Variants in SMAD3 observed in about 807,000 individuals in gnomAD.
SMAD3 encodes the protein MAD homolog 3.
In SMAD3, 12 loss-of-function variants were observed where a neutral mutation model predicts 51.8. That is an observed-to-expected ratio of 0.23 (90% confidence interval 0.15 to 0.38). The LOEUF (loss-of-function observed/expected upper bound fraction) is 0.38. SMAD3 is among the 10% of genes least tolerant of loss of function. SMAD3 has a pLI of 1.00. For missense variants in SMAD3, 294 were observed against 565.6 expected (o/e 0.52, Z 4.87); for synonymous variants, 238 against 227.7 (o/e 1.05, Z -0.41).
intron 1 of SMAD3, among the ~76,000 whole-genome samples, chr15:67,069,580 C>CT (rs1960006296): frequency 6.6e-6 from 1 of 152,134 alleles, no homozygotes; most frequent in African/African-American, 2.4e-5. Flanking sequence ...CTAGACCAAG[C>CT]TTAAAGCATT....
intron 1 of SMAD3, among the ~76,000 whole-genome samples, chr15:67,067,315 G>A (rs1405632944): frequency 6.6e-6 from 1 of 152,122 alleles, no homozygotes; most frequent in African/African-American, 2.4e-5. Flanking sequence ...CTGATAGAAG[G>A]GGTCAGTGAC....
In SMAD3 at chr15:67,066,188, G is replaced by T. The variant is rs1390289135; in HGVS notation, c.34G>T (p.Val12Leu). 1.2e-6 allele frequency: 2 copies of T among 1,610,472 alleles called. No homozygotes were observed. Among genetic ancestry groups the T allele is most frequent in the Admixed American group, 1.7e-5 (1 of 59,722 alleles). Residue 12 changes from valine to leucine, a missense_variant, in exon 1 of 9, where the codon GTG becomes TTG. Around this residue, in one of 3 missense-constraint regions of SMAD3, gnomAD observed 147 missense variants for 260.9 expected, o/e 0.56. Coordinates refer to ENST00000327367, the MANE Select transcript of SMAD3 (RefSeq NM_005902.4). The stretch of plus-strand genomic sequence containing the variant: ...CATCCTGCCTTTCACTCCCCCGATC[G>T]TGAAGCGCCTGCTGGGCTGGAAGAA... ...SSILPFTPPI[V>L]KRLLGWKKGE...
intron 1 of SMAD3, among the ~76,000 whole-genome samples, chr15:67,077,043 T>C (rs1219631629): frequency 2.0e-5 from 3 of 152,160 alleles, no homozygotes; most frequent in Admixed American, 1.3e-4. Context: ...CCACATTCCA[T>C]TGTGAAACCA....
At chr15:67,090,876 C>T (rs761638300) in intron 1 of SMAD3, among the ~76,000 whole-genome samples, 18 of 152,326 alleles carry the variant, frequency 1.2e-4, no homozygotes, top group Admixed American at 2.0e-4. Flanking sequence ...AAACAGACCA[C>T]CAAACTGTGT....
chr15:67,075,569 GC>G (rs1263700196), intron 1 of SMAD3, among the ~76,000 whole-genome samples: 1 of 152,140 alleles, frequency 6.6e-6, no homozygotes, highest in African/African-American at 2.4e-5. Flanking sequence ...AACTTATTGA[GC>G]CCCAGTTTCT....
intron 1 of SMAD3, among the ~76,000 whole-genome samples, chr15:67,073,660 C>G (rs868387975): frequency 1.5e-5 from 2 of 134,436 alleles, no homozygotes; most frequent in South Asian, 3.0e-4. Flanking sequence ...GGTATTCATA[C>G]AAGCATTTTA....
chr15:67,079,498 A>G (rs1482611652), intron 1 of SMAD3, among the ~76,000 whole-genome samples: 1 of 152,140 alleles, frequency 6.6e-6, no homozygotes, highest in Non-Finnish European at 1.5e-5. Context: ...ACTCTTGGCC[A>G]TGTCCAAGCA....
chr15:67,131,700 C>T (rs1961530019), intron 1 of SMAD3, among the ~76,000 whole-genome samples: 2 of 152,162 alleles, frequency 1.3e-5, no homozygotes, highest in Admixed American at 1.3e-4. Context: ...TACCTCACTG[C>T]CTCTCTGTGA....
intron 1 of SMAD3, among the ~76,000 whole-genome samples, chr15:67,069,913 T>C (rs953842888): frequency 6.6e-5 from 10 of 151,750 alleles, no homozygotes; most frequent in African/African-American, 2.4e-4. Context: ...ACCATGTTGG[T>C]CAGGCTGGTG....
intron 1 of SMAD3, among the ~76,000 whole-genome samples, chr15:67,139,290 C>T (rs1186809832): frequency 6.6e-6 from 1 of 152,088 alleles, no homozygotes; most frequent in African/African-American, 2.4e-5. Context: ...CGTGATATCT[C>T]GTTGCGTCAG....
At chr15:67,136,814 C>A (rs904578022) in intron 1 of SMAD3, among the ~76,000 whole-genome samples, 1 of 152,206 alleles carries the variant, frequency 6.6e-6, no homozygotes, top group Non-Finnish European at 1.5e-5. Context: ...TTCTCCCCAT[C>A]CCCCCAAGGG....
rs1595881947 is a variant in SMAD3, at chr15:67,066,016, C to G, written c.-139C>G. 1.1e-4 allele frequency: 37 copies of G among 351,958 alleles called. No individual in the cohort carries two copies. The East Asian group carries it at 1.9e-3, about 18-fold the overall frequency. 21.8% of individuals were successfully genotyped at this position (351,958 alleles called of 1,614,324 possible). On this transcript the variant is annotated 5_prime_UTR_variant, in exon 1 of 9. Transcript: ENST00000327367. Reference sequence around the variant, plus strand: ...AGCGCCGCGGCCCGGCCCGGCGCCCCGGCAACTTCGCCGAGAGTTGAGGCG... The same window carrying G: ...AGCGCCGCGGCCCGGCCCGGCGCCCGGGCAACTTCGCCGAGAGTTGAGGCG...
intron 1 of SMAD3, among the ~76,000 whole-genome samples, chr15:67,106,862 G>A (rs1259136587): frequency 2.6e-5 from 4 of 152,126 alleles, no homozygotes; most frequent in East Asian, 1.9e-4. Context: ...TAATTCACAC[G>A]AAGGTGTTAA....
At chr15:67,103,436 G>A (rs1278626337) in intron 1 of SMAD3, among the ~76,000 whole-genome samples, 1 of 152,194 alleles carries the variant, frequency 6.6e-6, no homozygotes, top group African/African-American at 2.4e-5. Context: ...AGCAGAACAC[G>A]ATGCAAACAT....
At chr15:67,179,948 C>CA (rs1038806380) in intron 5 of SMAD3, among the ~76,000 whole-genome samples, 4 of 152,146 alleles carry the variant, frequency 2.6e-5, no homozygotes, top group African/African-American at 7.2e-5. Flanking sequence ...TCAGGATGCT[C>CA]ACAGAGAGGC....
At chr15:67,099,327 GTGT>G (rs1285831708) in intron 1 of SMAD3, among the ~76,000 whole-genome samples, 1 of 152,204 alleles carries the variant, frequency 6.6e-6, no homozygotes, top group Non-Finnish European at 1.5e-5. Context: ...TAGAGAAGGT[GTGT>G]TGTTGAAATG....
intron 1 of SMAD3, among the ~76,000 whole-genome samples, chr15:67,133,652 C>T (rs1308154184): frequency 1.3e-5 from 2 of 152,144 alleles, no homozygotes; most frequent in South Asian, 2.1e-4. Context: ...ACACACAGAA[C>T]TGTAGCAGAA....
At chr15:67,165,803 C>T (rs988331694) in intron 3 of SMAD3, among the ~76,000 whole-genome samples, 27 of 152,180 alleles carry the variant, frequency 1.8e-4, no homozygotes, top group Non-Finnish European at 2.2e-4. Context: ...TTCGCCTGGG[C>T]ATCAGGCCTC....
At chr15:67,175,691 C>T (rs1566996541) in intron 5 of SMAD3, among the ~76,000 whole-genome samples, 1 of 152,192 alleles carries the variant, frequency 6.6e-6, no homozygotes, top group African/African-American at 2.4e-5. Context: ...GGGTGAGACT[C>T]CACGCTGACA....
Sources: allele counts gnomAD v4.1 joint callset (sites outside exome capture counted in the v4.1 genomes callset), GRCh38; gene constraint gnomAD v4.1.1; regional missense constraint gnomAD v4.1.1; transcripts MANE v1.5; gene names NCBI Gene and HGNC (gene_info 2026-07-23, HGNC 2026-07-21).